IMMP2L: variants seen among roughly 807,000 people sequenced by gnomAD.
IMMP2L encodes the protein mitochondrial inner membrane protease subunit 2.
IMMP2L carries 18 observed loss-of-function variants against 19.3 expected under a neutral mutation model. That is an observed-to-expected ratio of 0.93 (90% CI 0.64 to 1.38). The LOEUF (loss-of-function observed/expected upper bound fraction) is 1.38, where lower values mean the gene tolerates loss of function less well. Ranked by LOEUF, IMMP2L falls within the 40% of genes most tolerant of loss-of-function variation. The pLI, the probability that IMMP2L is intolerant of heterozygous loss-of-function variation, is 0.00. For synonymous variants in IMMP2L, 76 were observed against 73.0 expected (o/e 1.04, Z -0.21); for missense variants, 233 against 218.2 (o/e 1.07, Z -0.43).
chr7:111,154,906 C>T (rs1321444247), intron 3 of IMMP2L, among the ~76,000 whole-genome samples: 1 of 151,980 alleles, frequency 6.6e-6, no homozygotes, highest in Non-Finnish European at 1.5e-5. Flanking sequence ...TACAGCCCTG[C>T]CCCACTATGC....
chr7:111,186,695 T>A (rs972983520), intron 3 of IMMP2L, among the ~76,000 whole-genome samples: 17 of 151,902 alleles, frequency 1.1e-4, no homozygotes, highest in Admixed American at 6.6e-5. Flanking sequence ...CCTCCCAGAG[T>A]GTTGGGATTA....
chr7:111,489,938 C>T (rs181181757), intron 2 of IMMP2L, among the ~76,000 whole-genome samples: 8 of 152,040 alleles, frequency 5.3e-5, no homozygotes, highest in African/African-American at 9.6e-5. Flanking sequence ...GCTGCGACTA[C>T]AGGTGTGCGC....
intron 1 of IMMP2L, among the ~76,000 whole-genome samples, chr7:111,543,605 T>C (rs1391361151): frequency 6.6e-6 from 1 of 152,190 alleles, no homozygotes; most frequent in Non-Finnish European, 1.5e-5. Flanking sequence ...CATGTTACCC[T>C]AAAATTAAAT....
chr7:111,314,457 G>A (rs1387910166), intron 3 of IMMP2L, among the ~76,000 whole-genome samples: 4 of 152,116 alleles, frequency 2.6e-5, no homozygotes. Flanking sequence ...TTGATTGAAT[G>A]ATGTTGCATT....
intron 5 of IMMP2L, among the ~76,000 whole-genome samples, chr7:110,864,689 C>T (rs866598880): frequency 2.0e-5 from 3 of 152,030 alleles, no homozygotes; most frequent in South Asian, 4.2e-4. Flanking sequence ...CAAATAATCT[C>T]TTTGAACTTC....
intron 3 of IMMP2L, among the ~76,000 whole-genome samples, chr7:111,020,761 C>CAAAAGA (rs988399629): frequency 2.0e-5 from 3 of 151,482 alleles, no homozygotes; most frequent in Non-Finnish European, 4.4e-5. Context: ...GACCCTGTCT[C>CAAAAGA]AAAAGAAAAA....
intron 3 of IMMP2L, among the ~76,000 whole-genome samples, chr7:111,440,268 T>G (rs1371615288): frequency 6.6e-6 from 1 of 151,850 alleles, no homozygotes; most frequent in African/African-American, 2.4e-5. Flanking sequence ...TTCAACTTAA[T>G]TTGACTAGAT....
intron 3 of IMMP2L, among the ~76,000 whole-genome samples, chr7:111,442,316 T>C (rs750383076): frequency 4.0e-5 from 6 of 151,838 alleles, no homozygotes; most frequent in Non-Finnish European, 7.4e-5. Context: ...TCTACTTCCT[T>C]AGTGGAACTG....
At chr7:111,521,011 C>T (rs1304612836) in intron 2 of IMMP2L, among the ~76,000 whole-genome samples, 1 of 152,046 alleles carries the variant, frequency 6.6e-6, no homozygotes, top group Non-Finnish European at 1.5e-5. Flanking sequence ...CTAATAGAGC[C>T]ATATTCACAG....
intron 4 of IMMP2L, among the ~76,000 whole-genome samples, chr7:110,946,191 T>A (rs945126766): frequency 6.6e-6 from 1 of 151,896 alleles, no homozygotes; most frequent in Non-Finnish European, 1.5e-5. Context: ...GTGGAGAGAG[T>A]GAGAATCAAT....
At chr7:110,909,579 T>G (rs1312319606) in intron 4 of IMMP2L, among the ~76,000 whole-genome samples, 1 of 152,138 alleles carries the variant, frequency 6.6e-6, no homozygotes, top group East Asian at 1.9e-4. Context: ...AGGTCAAATT[T>G]TGAAGAAGGA....
intron 3 of IMMP2L, among the ~76,000 whole-genome samples, chr7:111,097,637 T>C (rs551097490): frequency 1.3e-5 from 2 of 152,072 alleles, no homozygotes; most frequent in East Asian, 3.9e-4. Flanking sequence ...AACATACAAT[T>C]CATGTTTTTA....
intron 5 of IMMP2L, among the ~76,000 whole-genome samples, chr7:110,848,119 C>A (rs530832519): frequency 6.6e-6 from 1 of 152,150 alleles, no homozygotes; most frequent in South Asian, 2.1e-4. Context: ...GAGAATCAGA[C>A]AATAAGCCAC....
intron 4 of IMMP2L, among the ~76,000 whole-genome samples, chr7:110,900,934 A>T (rs1811800535): frequency 6.6e-6 from 1 of 151,970 alleles, no homozygotes; most frequent in South Asian, 2.1e-4. Flanking sequence ...CACTCCACTG[A>T]AACCACACTG....
At chr7:111,394,157 G>T (rs1483374093) in intron 3 of IMMP2L, among the ~76,000 whole-genome samples, 1 of 151,678 alleles carries the variant, frequency 6.6e-6, no homozygotes, top group African/African-American at 2.4e-5. Flanking sequence ...CAATATTTTT[G>T]ATAAAGTACA....
intron 3 of IMMP2L, among the ~76,000 whole-genome samples, chr7:111,425,612 G>C (rs556875810): frequency 6.6e-6 from 1 of 151,182 alleles, no homozygotes; most frequent in Non-Finnish European, 1.5e-5. Context: ...GAGTATACTG[G>C]TGTTCACTGT....
chr7:111,379,206 T>TA (rs11303513), intron 3 of IMMP2L, among the ~76,000 whole-genome samples: 5,213 of 98,804 alleles, frequency 0.053, 154 homozygotes, highest in Middle Eastern at 0.14. Context: ...ACCCTTATGG[T>TA]AAAAAAAAAA....
In IMMP2L at chr7:110,727,498, A is replaced by G. The variant is rs1795974829; in HGVS notation, c.409-63777T>C. ...CTTATCAAGGAAGAACTTTCCTATC[A>G]CTGTTTCCTCCTCTCCCTCCCAGTG... On this transcript the variant is annotated intron_variant, in intron 5 of 5. Coordinates refer to ENST00000405709, the MANE Select transcript of IMMP2L (RefSeq NM_032549.4). This position sits in a 1 kb window ranked among gnomAD's most constrained non-coding sequence, Gnocchi z 4.3. 6.6e-6 allele frequency among the ~76,000 whole-genome samples: 1 copy of G among 152,190 alleles called. No individual in the cohort carries two copies. Among genetic ancestry groups the G allele is most frequent in the Non-Finnish European group, 1.5e-5 (1 of 68,034 alleles).
intron 3 of IMMP2L, among the ~76,000 whole-genome samples, chr7:110,978,464 T>C (rs1459680769): frequency 6.6e-6 from 1 of 151,978 alleles, no homozygotes; most frequent in Non-Finnish European, 1.5e-5. Context: ...ATCACAAAAA[T>C]ACATTGTAAT....
Sources: gnomAD v4.1 joint callset for allele counts (sites outside exome capture counted in the v4.1 genomes callset) on GRCh38, gnomAD v4.1.1 for gene constraint, Gnocchi (gnomAD v3.1) non-coding constraint, MANE v1.5 for transcripts, NCBI Gene and HGNC (gene_info 2026-07-23, HGNC 2026-07-21) for gene names.